Variants in FREM2 observed in about 807,000 individuals in gnomAD.
FREM2 encodes the protein FRAS1 related extracellular matrix 2.
Under a neutral mutation model 219.9 loss-of-function variants are expected in FREM2, and 119 were observed. The observed-to-expected ratio is 0.54, with a 90% CI of 0.47 to 0.63. FREM2 has a LOEUF of 0.63. FREM2 is among the 30% of genes least tolerant of loss of function. The pLI, the probability that FREM2 is intolerant of heterozygous loss-of-function variation, is 0.00. For missense variants in FREM2, 4,030 were observed against 3,993.6 expected (o/e 1.01, Z -0.25); for synonymous variants, 1,562 against 1,522.8 (o/e 1.03, Z -0.60).
chr13:38,790,758 AC>A (rs1262090366), intron 6 of FREM2, among the ~76,000 whole-genome samples: 2 of 152,234 alleles, frequency 1.3e-5, no homozygotes, highest in Non-Finnish European at 2.9e-5. Context: ...ATTTTGTGAG[AC>A]AAATGCTCTT....
chr13:38,768,887 T>C lies in FREM2; in HGVS notation c.5411-691T>C, dbSNP rs149520915. 4.5e-3 allele frequency among the ~76,000 whole-genome samples: 687 copies of C among 152,284 alleles called. 6 individuals are homozygous for C. Among genetic ancestry groups the C allele is most frequent in the African/African-American group, 0.016 (650 of 41,554 alleles). ...CCTTCCCAGCTAACTGAAATTGACC[T>C]TGAATGAACTACCAGAGTAAGCCAA... On this transcript the variant is annotated intron_variant, in intron 3 of 23. Transcript: ENST00000280481.
chr13:38,786,762 T>G (rs571115401), intron 6 of FREM2, among the ~76,000 whole-genome samples: 1 of 152,310 alleles, frequency 6.6e-6, no homozygotes, highest in African/African-American at 2.4e-5. Context: ...AAAAAACATT[T>G]ATTAAGTGCC....
chr13:38,846,762 A>C lies in FREM2; in HGVS notation c.6169+40A>C, dbSNP rs777435435. On this transcript the variant is annotated intron_variant, in intron 7 of 23. Transcript: ENST00000280481. The stretch of plus-strand genomic sequence containing the variant: ...ACTCGGCTCTTTTGATTGTTCTGCA[A>C]TTTTCAATGACCATGGCACAAATTT... 4 of 1,606,956 alleles carry C rather than the reference A, an allele frequency of 2.5e-6. No individual in the cohort carries two copies. The East Asian group carries it at 6.7e-5, about 27-fold the overall frequency.
At chr13:38,815,652 A>G (rs1356515500) in intron 6 of FREM2, among the ~76,000 whole-genome samples, 1 of 152,204 alleles carries the variant, frequency 6.6e-6, no homozygotes, top group African/African-American at 2.4e-5. Flanking sequence ...TTTGGCACAC[A>G]GTTCTGCAGG....
At chr13:38,819,003 T>C (rs1875888988) in intron 6 of FREM2, among the ~76,000 whole-genome samples, 1 of 152,006 alleles carries the variant, frequency 6.6e-6, no homozygotes, top group Non-Finnish European at 1.5e-5. Context: ...AATACAGAAA[T>C]ATATCAAAAC....
At chr13:38,695,208 G>A (rs1870057809) in intron 1 of FREM2, among the ~76,000 whole-genome samples, 1 of 152,126 alleles carries the variant, frequency 6.6e-6, no homozygotes, top group Non-Finnish European at 1.5e-5. Context: ...TGTAACGTGT[G>A]TTTATGTTAT....
intron 4 of FREM2, among the ~76,000 whole-genome samples, chr13:38,777,009 A>G (rs906573667): frequency 6.6e-6 from 1 of 151,854 alleles, no homozygotes; most frequent in Non-Finnish European, 1.5e-5. Flanking sequence ...GGGATTTGAC[A>G]TGTGTACTTT....
At chr13:38,849,973 A>G (rs1367941282) in intron 8 of FREM2, 65 bp from the exon 9 acceptor site, 1 of 1,287,940 alleles carries the variant, frequency 7.8e-7, no homozygotes, top group East Asian at 2.3e-5. Flanking sequence ...CCACTAAATC[A>G]CATCTTCTGA....
At chr13:38,727,271 T>G (rs1871566029) in intron 2 of FREM2, among the ~76,000 whole-genome samples, 1 of 152,192 alleles carries the variant, frequency 6.6e-6, no homozygotes, top group Non-Finnish European at 1.5e-5. Flanking sequence ...ATTTATTTAT[T>G]TTAAATGCTA....
intron 2 of FREM2, among the ~76,000 whole-genome samples, chr13:38,737,326 AC>A (rs1566122842): frequency 6.6e-6 from 1 of 152,228 alleles, no homozygotes; most frequent in African/African-American, 2.4e-5. Flanking sequence ...GATGGAGTGC[AC>A]ATGTTTTTAT....
chr13:38,706,037 AC>A (rs1429519566), intron 2 of FREM2, among the ~76,000 whole-genome samples: 1 of 152,228 alleles, frequency 6.6e-6, no homozygotes, highest in African/African-American at 2.4e-5. Flanking sequence ...TATTTTCATT[AC>A]AAAAATGATA....
chr13:38,854,767 T>G (rs575478849), intron 11 of FREM2, among the ~76,000 whole-genome samples: 1 of 152,114 alleles, frequency 6.6e-6, no homozygotes, highest in African/African-American at 2.4e-5. Flanking sequence ...AAAAAAATCT[T>G]TAAAGATAAA....
intron 6 of FREM2, among the ~76,000 whole-genome samples, chr13:38,840,029 G>A (rs1555271067): frequency 6.6e-6 from 1 of 152,188 alleles, no homozygotes; most frequent in Non-Finnish European, 1.5e-5. Context: ...AGCTAGCTGA[G>A]TGTCTGTCCA....
chr13:38,748,295 G>A (rs1056848089), intron 2 of FREM2, among the ~76,000 whole-genome samples: 3 of 152,170 alleles, frequency 2.0e-5, no homozygotes, highest in Non-Finnish European at 2.9e-5. Flanking sequence ...TTGCCATTTG[G>A]ATTAGGAAAT....
chr13:38,883,768 T>C lies in FREM2; in HGVS notation c.*2981T>C, dbSNP rs762577541. The C allele has an allele frequency of 1.3e-5, 2 of 152,176 alleles. No individual in the cohort carries two copies. Among genetic ancestry groups the C allele is most frequent in the Non-Finnish European group, 2.9e-5 (2 of 68,028 alleles). 9.4% of individuals were successfully genotyped at this position (152,176 alleles called of 1,614,324 possible). A position where few individuals can be genotyped will look rare whatever the true frequency, so the allele number is the denominator to read the frequency against. On this transcript the variant is annotated 3_prime_UTR_variant, in exon 24 of 24. Coordinates refer to ENST00000280481, the MANE Select transcript of FREM2 (RefSeq NM_207361.6). Reference sequence around the variant, plus strand: ...CTCTCCTGAACCAAAAACACAACAGTCATTATCTGTGAACCATAATTTAAA... The same window carrying C: ...CTCTCCTGAACCAAAAACACAACAGCCATTATCTGTGAACCATAATTTAAA...
chr13:38,846,121 C>A (rs1231180833), intron 6 of FREM2, among the ~76,000 whole-genome samples: 1 of 151,494 alleles, frequency 6.6e-6, no homozygotes, highest in Non-Finnish European at 1.5e-5. Context: ...AAGCCCAAAT[C>A]TAATGGACCA....
intron 6 of FREM2, among the ~76,000 whole-genome samples, chr13:38,790,815 A>C (rs902978591): frequency 6.6e-6 from 1 of 152,224 alleles, no homozygotes; most frequent in Non-Finnish European, 1.5e-5. Context: ...AAGTGATTTA[A>C]TTATTATGCA....
chr13:38,791,604 C>A (rs1027228305), intron 6 of FREM2, among the ~76,000 whole-genome samples: 2 of 152,140 alleles, frequency 1.3e-5, no homozygotes, highest in African/African-American at 4.8e-5. Context: ...GAGAGCCAAG[C>A]AAAGGGGAAA....
At chr13:38,759,547 T>G (rs1873149607) in intron 2 of FREM2, among the ~76,000 whole-genome samples, 1 of 152,118 alleles carries the variant, frequency 6.6e-6, no homozygotes, top group South Asian at 2.1e-4. Context: ...ATCAAAACCT[T>G]AATGGCTTTG....
Sources: allele counts gnomAD v4.1 joint callset (sites outside exome capture counted in the v4.1 genomes callset), GRCh38; gene constraint gnomAD v4.1.1; transcripts MANE v1.5; gene names NCBI Gene and HGNC (gene_info 2026-07-23, HGNC 2026-07-21).